The following RBFOX1 variants were observed in gnomAD, a reference collection of about 807,000 sequenced individuals.
RBFOX1 encodes the protein RNA binding fox-1 homolog 1.
Under a neutral mutation model 57.7 loss-of-function variants are expected in RBFOX1, and 8 were observed. That is an observed-to-expected ratio of 0.14 (90% CI 0.08 to 0.25). The LOEUF (loss-of-function observed/expected upper bound fraction) is 0.25, where lower values mean the gene tolerates loss of function less well. RBFOX1 is among the 10% of genes least tolerant of loss of function. RBFOX1 has a pLI of 1.00. For missense variants in RBFOX1, 611 were observed against 548.5 expected (o/e 1.11, Z -1.14); for synonymous variants, 326 against 222.4 (o/e 1.47, Z -4.15).
intron 3 of RBFOX1, among the ~76,000 whole-genome samples, chr16:6,672,686 C>T (rs12926794): frequency 2.4e-3 from 369 of 152,050 alleles, no homozygotes; most frequent in Middle Eastern, 3.4e-3. Context: ...ACCATGATTC[C>T]GCTTCTGCTT....
intron 1 of RBFOX1, among the ~76,000 whole-genome samples, chr16:6,306,846 C>T (rs79279892): frequency 0.086 from 13,147 of 152,026 alleles, 603 homozygotes; most frequent in Admixed American, 0.1. Context: ...ATGTCACAGA[C>T]CCCCCAAAAC....
intron 1 of RBFOX1, among the ~76,000 whole-genome samples, chr16:5,276,040 T>G (rs1567267965): frequency 6.6e-6 from 1 of 152,306 alleles, no homozygotes; most frequent in East Asian, 1.9e-4. Context: ...CAACACAAGA[T>G]GGATCAAAGA....
At chr16:7,293,202 A>G (rs1347329733) in intron 4 of RBFOX1, among the ~76,000 whole-genome samples, 2 of 152,204 alleles carry the variant, frequency 1.3e-5, no homozygotes, top group Non-Finnish European at 2.9e-5. Flanking sequence ...ACATGTGCAG[A>G]CACTTTTTTC....
chr16:5,498,766 G>A (rs2043089027), intron 2 of RBFOX1, among the ~76,000 whole-genome samples: 1 of 152,194 alleles, frequency 6.6e-6, no homozygotes, highest in Admixed American at 6.5e-5. Flanking sequence ...TACATTATCT[G>A]GCAATTATAT....
intron 1 of RBFOX1, among the ~76,000 whole-genome samples, chr16:6,213,780 A>G (rs754843970): frequency 3.0e-4 from 46 of 152,186 alleles, no homozygotes; most frequent in Non-Finnish European, 5.7e-4. Flanking sequence ...CGCATTCACC[A>G]TGCTCAGTCT....
chr16:6,755,522 C>T (rs952351544), intron 3 of RBFOX1, among the ~76,000 whole-genome samples: 2 of 152,086 alleles, frequency 1.3e-5, no homozygotes, highest in East Asian at 1.9e-4. Context: ...CCAAGATAAC[C>T]CGTCAGAACA....
intron 3 of RBFOX1, among the ~76,000 whole-genome samples, chr16:6,679,886 T>TTTTTG (rs2058362276): frequency 2.4e-5 from 1 of 41,580 alleles, no homozygotes; most frequent in Non-Finnish European, 7.9e-5. Flanking sequence ...TTGTTTTTTT[T>TTTTTG]TTTTTTTTTT....
chr16:7,078,971 A>G (rs1363339465), intron 4 of RBFOX1, among the ~76,000 whole-genome samples: 2 of 145,546 alleles, frequency 1.4e-5, no homozygotes, highest in Non-Finnish European at 3.0e-5. Context: ...GCCTCCCAAC[A>G]AGACCCTATT....
chr16:6,564,052 C>T (rs907653592), intron 2 of RBFOX1, among the ~76,000 whole-genome samples: 1 of 152,008 alleles, frequency 6.6e-6, no homozygotes, highest in Non-Finnish European at 1.5e-5. Flanking sequence ...TTCTAGCCAC[C>T]CTTCACCTCC....
At chr16:5,496,713 G>T (rs1872684) in intron 2 of RBFOX1, among the ~76,000 whole-genome samples, 31,414 of 152,080 alleles carry the variant, frequency 0.21, 6,121 homozygotes, top group African/African-American at 0.52. Flanking sequence ...TGAACTCCCT[G>T]CATTTCCAGA....
In RBFOX1 at chr16:6,637,408, T is replaced by TA. The variant is rs2098452481; in HGVS notation, c.-63-17194dup. 5.7e-5 allele frequency among the ~76,000 whole-genome samples: 3 copies of TA among 52,386 alleles called. 1 individual carries two copies. Among genetic ancestry groups the TA allele is most frequent in the African/African-American group, 1.5e-4 (2 of 13,306 alleles). 34.4% of individuals were successfully genotyped at this position (52,386 alleles called of 152,430 possible). A position where few individuals can be genotyped will look rare whatever the true frequency, so the allele number is the denominator to read the frequency against. ...ATATATATTATATATTAAATATATA[T>TA]ATTATATAATATATAAATATATTAT... is the stretch of plus-strand genomic sequence containing the variant. On this transcript the variant is annotated intron_variant, in intron 2 of 15. Coordinates refer to ENST00000550418, the MANE Select transcript of RBFOX1 (RefSeq NM_018723.4).
intron 4 of RBFOX1, among the ~76,000 whole-genome samples, chr16:7,421,867 A>C (rs147731275): frequency 5.4e-4 from 83 of 152,296 alleles, no homozygotes; most frequent in Non-Finnish European, 7.6e-4. Context: ...TCATTTCTTC[A>C]GCCTTTTTGA....
intron 3 of RBFOX1, among the ~76,000 whole-genome samples, chr16:5,806,008 T>C (rs1033757525): frequency 6.6e-6 from 1 of 152,058 alleles, no homozygotes; most frequent in African/African-American, 2.4e-5. Context: ...GTAATGAACA[T>C]GGGTATCAGG....
At chr16:6,560,451 A>G (rs2097165867) in intron 2 of RBFOX1, among the ~76,000 whole-genome samples, 1 of 152,166 alleles carries the variant, frequency 6.6e-6, no homozygotes, top group African/African-American at 2.4e-5. Context: ...TTGGAAGAGC[A>G]TTCCAGGCAG....
intron 1 of RBFOX1, among the ~76,000 whole-genome samples, chr16:5,255,715 TGTAC>T (rs987601116): frequency 1.1e-4 from 17 of 151,812 alleles, no homozygotes; most frequent in African/African-American, 4.1e-4. Flanking sequence ...TATCCATCCA[TGTAC>T]GTATCCATCC....
At chr16:6,255,481 T>C (rs1346201131) in intron 1 of RBFOX1, among the ~76,000 whole-genome samples, 1 of 152,086 alleles carries the variant, frequency 6.6e-6, no homozygotes, top group African/African-American at 2.4e-5. Flanking sequence ...ATGTATGAGA[T>C]GAGTGCATGC....
intron 2 of RBFOX1, among the ~76,000 whole-genome samples, chr16:6,584,824 G>C (rs2097584535): frequency 6.6e-6 from 1 of 152,202 alleles, no homozygotes; most frequent in Non-Finnish European, 1.5e-5. Flanking sequence ...GGTTTTGCCA[G>C]CAGCCTCCAG....
chr16:5,910,382 A>T (rs2058575617), intron 4 of RBFOX1, among the ~76,000 whole-genome samples: 1 of 152,214 alleles, frequency 6.6e-6, no homozygotes, highest in Non-Finnish European at 1.5e-5. Flanking sequence ...CTTGACTGGA[A>T]GAATGTCCCT....
chr16:6,946,130 G>T (rs1284927202), intron 3 of RBFOX1, among the ~76,000 whole-genome samples: 2 of 152,176 alleles, frequency 1.3e-5, no homozygotes, highest in Non-Finnish European at 2.9e-5. Flanking sequence ...AGTTTTCCTT[G>T]CTTCTCAAGT....
Sources: gnomAD v4.1 joint callset for allele counts (sites outside exome capture counted in the v4.1 genomes callset) on GRCh38, gnomAD v4.1.1 for gene constraint, MANE v1.5 for transcripts, NCBI Gene and HGNC (gene_info 2026-07-23, HGNC 2026-07-21) for gene names.